Variants in SLC30A8 observed in about 807,000 individuals in gnomAD.
SLC30A8 encodes proton-coupled zinc antiporter SLC30A8.
A neutral mutation model predicts 36.9 loss-of-function variants in SLC30A8; 27 were observed. The ratio of observed to expected loss-of-function variants is 0.73; its 90% CI spans 0.54 to 1.01. The LOEUF (loss-of-function observed/expected upper bound fraction) is 1.01. SLC30A8 is among the 50% of genes least tolerant of loss of function. SLC30A8 has a pLI of 0.00. For synonymous variants in SLC30A8, 164 were observed against 172.4 expected (o/e 0.95, Z 0.38); for missense variants, 439 against 452.0 (o/e 0.97, Z 0.26).
chr8:116,974,710 T>C (rs1814920875), intron 1 of SLC30A8, among the ~76,000 whole-genome samples: 1 of 152,050 alleles, frequency 6.6e-6, no homozygotes, highest in African/African-American at 2.4e-5. Flanking sequence ...GGATTATAAA[T>C]CATGCTGCTG....
chr8:116,972,943 C>G (rs1164951602), intron 1 of SLC30A8, among the ~76,000 whole-genome samples: 1 of 152,096 alleles, frequency 6.6e-6, no homozygotes, highest in Non-Finnish European at 1.5e-5. Flanking sequence ...TTAGTCTCTC[C>G]AAAATTCATT....
At chr8:117,017,286 T>TGTG (rs1816550962) in intron 1 of SLC30A8, among the ~76,000 whole-genome samples, 1 of 152,184 alleles carries the variant, frequency 6.6e-6, no homozygotes, top group African/African-American at 2.4e-5. Flanking sequence ...AGGGTGGATT[T>TGTG]GTGGTTTTCT....
chr8:117,158,800 C>A (rs539430234), intron 4 of SLC30A8, among the ~76,000 whole-genome samples: 7 of 152,332 alleles, frequency 4.6e-5, no homozygotes, highest in African/African-American at 1.7e-4. Flanking sequence ...ATCTAGTGAT[C>A]TAGCTAGCTA....
rs1345494562 is a variant in SLC30A8 at position 117,135,078 on chromosome 8, C to A, written c.-250C>A. On this transcript the variant is annotated 5_prime_UTR_variant, in exon 1 of 8. Coordinates refer to ENST00000456015, the MANE Select transcript of SLC30A8 (RefSeq NM_173851.3). ...GACATACACACTTCATGTAATGCTA[C>A]CTGCAAGTCTCCCTAGAAAAGCAGT... 5.8e-6 allele frequency: 2 copies of A among 347,536 alleles called. No homozygotes were observed. Among genetic ancestry groups the A allele is most frequent in the Non-Finnish European group, 1.0e-5 (2 of 192,618 alleles). 21.5% of individuals were successfully genotyped at this position (347,536 alleles called of 1,614,324 possible).
At chr8:117,113,151 C>T (rs141093012) in intron 2 of SLC30A8, among the ~76,000 whole-genome samples, 287 of 152,216 alleles carry the variant, frequency 1.9e-3, no homozygotes, top group African/African-American at 6.7e-3. Flanking sequence ...TACAGACAAA[C>T]GGAATCAGCT....
chr8:116,972,955 G>C (rs1177757841), intron 1 of SLC30A8, among the ~76,000 whole-genome samples: 1 of 152,238 alleles, frequency 6.6e-6, no homozygotes, highest in South Asian at 2.1e-4. Context: ...AAATTCATTT[G>C]TTGAAACCAT....
chr8:117,009,768 G>A (rs1419129415), intron 1 of SLC30A8, among the ~76,000 whole-genome samples: 1 of 152,194 alleles, frequency 6.6e-6, no homozygotes, highest in Non-Finnish European at 1.5e-5. Context: ...CTTTGTAACA[G>A]AGAATATACA....
chr8:117,153,229 G>A (rs1440435595), intron 3 of SLC30A8, 139 bp downstream of exon 3: 2 of 785,680 alleles, frequency 2.5e-6, no homozygotes, highest in South Asian at 6.0e-5. Flanking sequence ...AAACAAATGT[G>A]TATGTGGGAA....
upstream of SLC30A8, among the ~76,000 whole-genome samples, chr8:117,131,584 A>C (rs2130924575): frequency 6.6e-6 from 1 of 152,102 alleles, no homozygotes; most frequent in Admixed American, 6.6e-5. Flanking sequence ...ATCTACCCAA[A>C]GTCATAGAGC....
intron 1 of SLC30A8, among the ~76,000 whole-genome samples, chr8:116,975,101 C>G (rs112657188): frequency 0.027 from 4,157 of 151,910 alleles, 180 homozygotes; most frequent in African/African-American, 0.094. Context: ...TGACGAGTTA[C>G]TGGGTGCAGC....
At chr8:117,169,879 T>C (rs2466301) in intron 6 of SLC30A8, among the ~76,000 whole-genome samples, 147,470 of 152,238 alleles carry the variant, frequency 0.97, 71,453 homozygotes, top group East Asian at 1. Context: ...CAGGCCCCAT[T>C]TCCAGCATTA....
At chr8:117,015,536 AC>A (rs35601596) in intron 1 of SLC30A8, among the ~76,000 whole-genome samples, 13,847 of 141,446 alleles carry the variant, frequency 0.098, 634 homozygotes, top group African/African-American at 0.13. Context: ...GCTATTATGC[AC>A]CCCCCCCCCC....
chr8:117,123,247 C>T (rs187104330), intron 2 of SLC30A8, among the ~76,000 whole-genome samples: 1 of 152,018 alleles, frequency 6.6e-6, no homozygotes, highest in African/African-American at 2.4e-5. Context: ...TAAACCTTCT[C>T]ATTTATTCAG....
upstream of SLC30A8, among the ~76,000 whole-genome samples, chr8:117,133,708 C>T (rs913860211): frequency 5.3e-5 from 8 of 151,988 alleles, no homozygotes; most frequent in African/African-American, 1.4e-4. Context: ...GTGTGTCACA[C>T]AGGTGGATTA....
chr8:116,977,025 G>A (rs1044716774), intron 1 of SLC30A8, among the ~76,000 whole-genome samples: 2 of 150,950 alleles, frequency 1.3e-5, no homozygotes, highest in Admixed American at 6.6e-5. Context: ...CACCATGTTG[G>A]CCAGGATTGT....
intron 1 of SLC30A8, among the ~76,000 whole-genome samples, chr8:117,034,285 A>G (rs1817143479): frequency 6.6e-6 from 1 of 152,222 alleles, no homozygotes; most frequent in Admixed American, 6.5e-5. Flanking sequence ...CATAAGCATT[A>G]TAAGGGCTTA....
intron 2 of SLC30A8, among the ~76,000 whole-genome samples, chr8:117,076,115 T>C (rs1429538676): frequency 1.3e-5 from 2 of 152,208 alleles, no homozygotes; most frequent in East Asian, 3.8e-4. Flanking sequence ...CTTTAAAAAG[T>C]TACTAAATAG....
intron 2 of SLC30A8, among the ~76,000 whole-genome samples, chr8:117,092,737 G>C (rs980811462): frequency 6.6e-6 from 1 of 152,218 alleles, no homozygotes; most frequent in Admixed American, 6.5e-5. Context: ...AAGCTGGGGA[G>C]GTTCCTCGTC....
At chr8:117,100,836 A>C (rs1294564300) in intron 2 of SLC30A8, among the ~76,000 whole-genome samples, 1 of 152,146 alleles carries the variant, frequency 6.6e-6, no homozygotes, top group East Asian at 1.9e-4. Flanking sequence ...TTAATTTCAT[A>C]AAATTGTTAC....
Sources: gnomAD v4.1 joint callset for allele counts (sites outside exome capture counted in the v4.1 genomes callset) on GRCh38, gnomAD v4.1.1 for gene constraint, MANE v1.5 for transcripts, NCBI Gene and HGNC (gene_info 2026-07-23, HGNC 2026-07-21) for gene names.